The following IFT56 variants were observed in gnomAD, a reference collection of about 807,000 sequenced individuals.
IFT56 encodes the protein intraflagellar transport protein 56.
the IFT56 span, chr7:139,168,476 C>G: frequency 9.4e-7 from 1 of 1,068,474 alleles, no homozygotes; most frequent in Non-Finnish European, 1.4e-6. Context: ...TATCAAAGTG[C>G]AAGCAGCAAT....
the IFT56 span, among the ~76,000 whole-genome samples, chr7:139,135,487 T>C: frequency 1.3e-5 from 2 of 152,348 alleles, no homozygotes; most frequent in South Asian, 4.1e-4. Context: ...TAAATAATTC[T>C]AACATGCTTA....
the IFT56 span, among the ~76,000 whole-genome samples, chr7:139,183,761 T>C: frequency 6.6e-6 from 1 of 152,156 alleles, no homozygotes; most frequent in Non-Finnish European, 1.5e-5. Flanking sequence ...CATTCCTGTG[T>C]ATTTATCCCA....
At chr7:139,172,395 G>A in the IFT56 span, 4 of 341,570 alleles carry the variant, frequency 1.2e-5, no homozygotes, top group African/African-American at 2.1e-5. Context: ...TGTCAGAGCC[G>A]CCAGGTGGGC....
the IFT56 span, chr7:139,180,943 T>G: frequency 1.9e-6 from 1 of 531,532 alleles, no homozygotes; most frequent in Non-Finnish European, 3.3e-6. Flanking sequence ...GGGAGCCAGC[T>G]TAATGCCAAC....
At chr7:139,135,039 G>C in the IFT56 span, among the ~76,000 whole-genome samples, 1 of 152,142 alleles carries the variant, frequency 6.6e-6, no homozygotes, top group Non-Finnish European at 1.5e-5. Context: ...CCAGCACTTC[G>C]GGAGGCCGAG....
the IFT56 span, among the ~76,000 whole-genome samples, chr7:139,164,403 T>C: frequency 6.6e-6 from 1 of 152,234 alleles, no homozygotes; most frequent in African/African-American, 2.4e-5. Flanking sequence ...AGAGTTTTGT[T>C]AATTATTGGG....
the IFT56 span, chr7:139,187,408 G>A: frequency 5.6e-6 from 9 of 1,613,958 alleles, no homozygotes; most frequent in Non-Finnish European, 7.6e-6. Flanking sequence ...TTATTCAGAT[G>A]GGCCAGTTTT....
At chr7:139,150,544 G>A in the IFT56 span, among the ~76,000 whole-genome samples, 1 of 152,106 alleles carries the variant, frequency 6.6e-6, no homozygotes, top group African/African-American at 2.4e-5. Flanking sequence ...TGTCAATGTA[G>A]TTTATATATT....
At chr7:139,137,098 T>C in the IFT56 span, among the ~76,000 whole-genome samples, 1 of 152,162 alleles carries the variant, frequency 6.6e-6, no homozygotes, top group South Asian at 2.1e-4. Context: ...CATAAATATG[T>C]GTTGGCTCAC....
At chr7:139,164,096 T>C in the IFT56 span, among the ~76,000 whole-genome samples, 1 of 152,236 alleles carries the variant, frequency 6.6e-6, no homozygotes, top group Non-Finnish European at 1.5e-5. Context: ...ATTTGTTTGC[T>C]TTATGGAGGT....
chr7:139,172,411 A>G, the IFT56 span: 64 of 358,260 alleles, frequency 1.8e-4, no homozygotes, highest in Non-Finnish European at 8.1e-5. Flanking sequence ...TGGGCATTGT[A>G]TTTGTGCTCT....
At chr7:139,180,529 G>A in the IFT56 span, among the ~76,000 whole-genome samples, 1 of 152,006 alleles carries the variant, frequency 6.6e-6, no homozygotes, top group South Asian at 2.1e-4. Context: ...GGCCAACATG[G>A]CAAAACCTCA....
the IFT56 span, chr7:139,189,264 AT>A: frequency 7.6e-7 from 1 of 1,323,108 alleles, no homozygotes; most frequent in Non-Finnish European, 1.1e-6. Flanking sequence ...AGTTTATTTT[AT>A]TTTTTAATTT....
chr7:139,185,053 CA>C, the IFT56 span, among the ~76,000 whole-genome samples: 524 of 111,450 alleles, frequency 4.7e-3, 2 homozygotes, highest in Non-Finnish European at 5.9e-3. Context: ...GACTCCATCT[CA>C]AAAAAAAAAA....
At chr7:139,136,026 C>A in the IFT56 span, among the ~76,000 whole-genome samples, 2 of 152,042 alleles carry the variant, frequency 1.3e-5, no homozygotes, top group Non-Finnish European at 2.9e-5. Context: ...CTGGTTCAAG[C>A]AATTCTCCTG....
chr7:139,180,294 C>T, the IFT56 span, among the ~76,000 whole-genome samples: 1 of 152,166 alleles, frequency 6.6e-6, no homozygotes, highest in Admixed American at 6.5e-5. Context: ...GGAGATCACG[C>T]CACTGCACGC....
At chr7:139,172,843 G>A in the IFT56 span, 1 of 675,532 alleles carries the variant, frequency 1.5e-6, no homozygotes. Flanking sequence ...AGCGAACACT[G>A]TACTTCCTTC....
At chr7:139,159,784 TTTA>T in the IFT56 span, among the ~76,000 whole-genome samples, 2 of 152,170 alleles carry the variant, frequency 1.3e-5, no homozygotes, top group Non-Finnish European at 2.9e-5. Flanking sequence ...TGTAGTGGGG[TTTA>T]TTATTGTTAT....
the IFT56 span, chr7:139,174,042 A>T: frequency 1.6e-6 from 1 of 612,408 alleles, no homozygotes; most frequent in Non-Finnish European, 3.2e-6. Flanking sequence ...GACAGAGTCA[A>T]TCAACACCAG....
Sources: allele counts gnomAD v4.1 joint callset (sites outside exome capture counted in the v4.1 genomes callset), GRCh38; gene constraint gnomAD v4.1.1; transcripts MANE v1.5; gene names NCBI Gene and HGNC (gene_info 2026-07-23, HGNC 2026-07-21).